Variants in PREX2 observed in about 807,000 individuals in gnomAD.
The protein encoded by PREX2 is phosphatidylinositol-3,4,5-trisphosphate dependent Rac exchange factor 2.
Under a neutral mutation model 203.2 loss-of-function variants are expected in PREX2, and 107 were observed. The observed-to-expected ratio is 0.53, with a 90% CI of 0.45 to 0.62. The LOEUF (loss-of-function observed/expected upper bound fraction) is 0.62, where lower values mean the gene tolerates loss of function less well. Ranked by LOEUF, PREX2 falls within the 20% of genes least tolerant of loss-of-function variation. The probability of loss-of-function intolerance (pLI) is 0.00; values close to 1 mark genes in which losing one functional copy is unlikely to be tolerated. For synonymous variants in PREX2, 672 were observed against 663.6 expected, an observed-to-expected ratio of 1.01 and a Z score of -0.19; for missense variants, 1,777 against 1,955.9, an observed-to-expected ratio of 0.91 and a Z score of 1.72.
At chr8:68,118,483 C>T in intron 26 of PREX2, 67 bp from the exon 27 acceptor site, 1 of 956,986 alleles carries the variant, frequency 1.0e-6, no homozygotes, top group Non-Finnish European at 1.7e-6. Flanking sequence ...AAGTTTATGT[C>T]ATAAGAAATT....
intron 1 of PREX2, among the ~76,000 whole-genome samples, chr8:67,993,635 TAACCTC>T (rs945138800): frequency 5.9e-5 from 9 of 152,230 alleles, no homozygotes; most frequent in Non-Finnish European, 1.2e-4. Flanking sequence ...ATCGAACTCC[TAACCTC>T]AGGTGATCTA....
intron 28 of PREX2, 112 bp from the exon 29 acceptor site, chr8:68,120,084 G>A (rs935820956): frequency 3.1e-6 from 2 of 643,282 alleles, no homozygotes; most frequent in Non-Finnish European, 5.3e-6. Flanking sequence ...GCATCATGGG[G>A]TTTCAAAAAT....
At chr8:68,181,245 G>A (rs1277034047) in intron 35 of PREX2, among the ~76,000 whole-genome samples, 1 of 152,038 alleles carries the variant, frequency 6.6e-6, no homozygotes, top group South Asian at 2.1e-4. Flanking sequence ...TTACCAAACG[G>A]GTATCAAAAG....
intron 34 of PREX2, among the ~76,000 whole-genome samples, chr8:68,148,812 T>G (rs1352561093): frequency 6.6e-6 from 1 of 152,234 alleles, no homozygotes; most frequent in Admixed American, 6.5e-5. Context: ...ATTAAAAATC[T>G]GTCAGTGATA....
At chr8:68,158,090 T>C (rs1198608305) in intron 35 of PREX2, among the ~76,000 whole-genome samples, 1 of 89,276 alleles carries the variant, frequency 1.1e-5, no homozygotes, top group African/African-American at 4.6e-5. Flanking sequence ...TATATTCACA[T>C]ATATATGTGT....
intron 6 of PREX2, among the ~76,000 whole-genome samples, chr8:68,036,746 G>A (rs1808045054): frequency 6.6e-6 from 1 of 152,060 alleles, no homozygotes; most frequent in Admixed American, 6.6e-5. Flanking sequence ...GGGAGTTTGA[G>A]ACCTGCCTGA....
At chr8:68,154,166 T>A (rs554662314) in intron 34 of PREX2, among the ~76,000 whole-genome samples, 2 of 152,336 alleles carry the variant, frequency 1.3e-5, no homozygotes, top group South Asian at 2.1e-4. Flanking sequence ...TGTTTTTGCA[T>A]GGACCCTTCT....
In PREX2 at chr8:68,027,210, T is replaced by C. The variant is rs1807746880; in HGVS notation, c.442-12T>C. The C allele has an allele frequency of 6.3e-7, 1 of 1,593,186 alleles. No homozygotes were observed. The highest frequency in any genetic ancestry group is 1.3e-5 in the African/African-American group (1 of 74,392). On this transcript the variant is annotated splice_polypyrimidine_tract_variant and intron_variant, in intron 4 of 39. Transcript: ENST00000288368. ...TTAAAGATGTAATTAATTTTGATTA[T>C]TTTCACCCCAGAACTGCATGCTGCT...
At chr8:68,077,886 A>T (rs539829902) in intron 15 of PREX2, among the ~76,000 whole-genome samples, 2 of 152,188 alleles carry the variant, frequency 1.3e-5, no homozygotes, top group Admixed American at 1.3e-4. Flanking sequence ...GTTATTTTTA[A>T]GAAAAATGTT....
At chr8:68,191,978 G>T (rs1490948916) in intron 36 of PREX2, among the ~76,000 whole-genome samples, 190 bp downstream of exon 36, 1 of 152,108 alleles carries the variant, frequency 6.6e-6, no homozygotes, top group African/African-American at 2.4e-5. Context: ...TGGGGTACAT[G>T]CACAGAACAT....
intron 30 of PREX2, 93 bp from the exon 31 acceptor site, chr8:68,127,285 A>G (rs1810911728): frequency 1.0e-6 from 1 of 1,003,868 alleles, no homozygotes; most frequent in Non-Finnish European, 1.5e-6. Flanking sequence ...ACCTAGTCCA[A>G]TAAGATCATA....
At chr8:68,144,567 T>G (rs1811289881) in intron 33 of PREX2, among the ~76,000 whole-genome samples, 1 of 152,160 alleles carries the variant, frequency 6.6e-6, no homozygotes, top group African/African-American at 2.4e-5. Flanking sequence ...AATTGCTTAT[T>G]AGTTCCAGGA....
chr8:67,985,490 A>G (rs1356680004), intron 1 of PREX2, among the ~76,000 whole-genome samples: 1 of 152,182 alleles, frequency 6.6e-6, no homozygotes, highest in Non-Finnish European at 1.5e-5. Flanking sequence ...ACCTAATGAA[A>G]TATGGAAAAG....
chr8:68,118,171 T>C (rs1215077177), intron 26 of PREX2, among the ~76,000 whole-genome samples: 4 of 152,030 alleles, frequency 2.6e-5, no homozygotes, highest in Non-Finnish European at 5.9e-5. Flanking sequence ...CTGGCTAACA[T>C]GGTGAAACCC....
Position 68,120,946 on chromosome 8 carries a change from G to A in PREX2, c.3621G>A (p.Lys1207=). 3 of 1,613,498 alleles carry A rather than the reference G, an allele frequency of 1.9e-6. No individual in the cohort carries two copies. ...LQEFQQEMEP[K]LSCPKRLRLH... is the part of the protein sequence containing the mutation. ...AATTTCAACAGGAAATGGAACCAAA[G>A]CTGAGTTGTCCAAAAAGGCTACGGC... Residue 1207 remains lysine, a synonymous_variant, in exon 30 of 40, where the codon AAG becomes AAA. Transcript: ENST00000288368.
intron 35 of PREX2, among the ~76,000 whole-genome samples, 198 bp downstream of exon 35, chr8:68,157,634 G>A (rs1359192749): frequency 6.6e-6 from 1 of 152,048 alleles, no homozygotes; most frequent in Non-Finnish European, 1.5e-5. Flanking sequence ...AAGTAAAAGT[G>A]TGTTGGCATT....
At chr8:68,180,689 G>A (rs909886926) in intron 35 of PREX2, among the ~76,000 whole-genome samples, 1 of 152,150 alleles carries the variant, frequency 6.6e-6, no homozygotes, top group African/African-American at 2.4e-5. Flanking sequence ...TAGAGAATTT[G>A]AAGGAGTGGG....
intron 27 of PREX2, chr8:68,118,923 G>C (rs978799126): frequency 1.2e-5 from 7 of 582,456 alleles, no homozygotes; most frequent in Non-Finnish European, 2.0e-5. Context: ...AGGATTATAG[G>C]TACACAGGAA....
chr8:68,118,969 G>T, intron 27 of PREX2: 1 of 480,350 alleles, frequency 2.1e-6, no homozygotes. Context: ...TGATGGGGAT[G>T]GGCAGGTGTG....
Sources: gnomAD v4.1 joint callset for allele counts (sites outside exome capture counted in the v4.1 genomes callset) on GRCh38, gnomAD v4.1.1 for gene constraint, MANE v1.5 for transcripts, NCBI Gene and HGNC (gene_info 2026-07-23, HGNC 2026-07-21) for gene names.